UBE2E3: variants seen among roughly 807,000 people sequenced by gnomAD.
The protein encoded by UBE2E3 is ubiquitin conjugating enzyme E2 E3.
A neutral mutation model predicts 23.6 loss-of-function variants in UBE2E3; 5 were observed. The ratio of observed to expected loss-of-function variants is 0.21; its 90% CI spans 0.11 to 0.44. The LOEUF is 0.44. UBE2E3 is among the 20% of genes least tolerant of loss of function. The probability of loss-of-function intolerance (pLI) is 0.99; values close to 1 mark genes in which losing one functional copy is unlikely to be tolerated. For synonymous variants in UBE2E3, 78 were observed against 87.5 expected (o/e 0.89, Z 0.60); for missense variants, 81 against 249.8 (o/e 0.32, Z 4.55).
At chr2:181,029,023 A>C (rs557800171) in intron 3 of UBE2E3, among the ~76,000 whole-genome samples, 1 of 152,178 alleles carries the variant, frequency 6.6e-6, no homozygotes, top group East Asian at 1.9e-4. Context: ...TGAAAAGGGT[A>C]AGGTAGTAGT....
At chr2:181,021,710 TTA>T (rs967344491) in intron 3 of UBE2E3, among the ~76,000 whole-genome samples, 2 of 144,710 alleles carry the variant, frequency 1.4e-5, no homozygotes, top group Non-Finnish European at 3.0e-5. Context: ...ACTATATCTA[TTA>T]ATGTCTGTGG....
At chr2:181,032,129 C>G (rs1412193604) in intron 3 of UBE2E3, among the ~76,000 whole-genome samples, 1 of 152,150 alleles carries the variant, frequency 6.6e-6, no homozygotes. Flanking sequence ...GCTAGTCTCC[C>G]TTTGAACAAA....
At chr2:180,982,829 A>G (rs890756837) in intron 2 of UBE2E3, among the ~76,000 whole-genome samples, 8 of 152,220 alleles carry the variant, frequency 5.3e-5, no homozygotes, top group Non-Finnish European at 1.0e-4. Flanking sequence ...GGGCAAATCA[A>G]ACTGAAAAGT....
At chr2:181,031,607 C>A (rs777694042) in intron 3 of UBE2E3, among the ~76,000 whole-genome samples, 5 of 152,088 alleles carry the variant, frequency 3.3e-5, no homozygotes, top group African/African-American at 7.2e-5. Flanking sequence ...CGACTACTTT[C>A]TGTTTTTCTC....
intron 3 of UBE2E3, among the ~76,000 whole-genome samples, chr2:181,034,658 C>G (rs1164480242): frequency 6.6e-6 from 1 of 151,368 alleles, no homozygotes; most frequent in Non-Finnish European, 1.5e-5. Flanking sequence ...CACATGTACC[C>G]TAGAACTTAA....
intron 3 of UBE2E3, among the ~76,000 whole-genome samples, chr2:181,004,507 C>T (rs1165723375): frequency 6.6e-6 from 1 of 152,092 alleles, no homozygotes; most frequent in Admixed American, 6.5e-5. Flanking sequence ...GTGGTATGCA[C>T]CTGTAGTCTC....
rs1336111870 is a variant in UBE2E3 at position 181,061,283 on chromosome 2, C to T, written c.526+471C>T. Among the ~76,000 whole-genome samples the T allele has an allele frequency of 1.2e-4, 6 of 48,982 alleles. 2 individuals carry two copies. The highest frequency in any genetic ancestry group is 6.4e-4 in the African/African-American group (6 of 9,446). The allele number at this position is 48,982 out of a possible 152,430, so 32.1% of individuals were successfully genotyped here. A position where few individuals can be genotyped will look rare whatever the true frequency, so the allele number is the denominator to read the frequency against. On this transcript the variant is annotated intron_variant, in intron 5 of 5. Coordinates refer to ENST00000410062, the MANE Select transcript of UBE2E3 (RefSeq NM_006357.4). ...GACTACAGGCGCCCGCCACCGCGCCCGGCTAATTTTTTTGTATTTTTAGTA... is the reference window on the plus strand; with the variant it reads ...GACTACAGGCGCCCGCCACCGCGCCTGGCTAATTTTTTTGTATTTTTAGTA...
At chr2:181,026,158 AAC>A (rs1685875629) in intron 3 of UBE2E3, among the ~76,000 whole-genome samples, 1 of 151,914 alleles carries the variant, frequency 6.6e-6, no homozygotes, top group African/African-American at 2.4e-5. Flanking sequence ...AAGATGAAAA[AAC>A]ACACTGAAAC....
At chr2:181,027,103 A>C (rs1685917519) in intron 3 of UBE2E3, among the ~76,000 whole-genome samples, 2 of 151,938 alleles carry the variant, frequency 1.3e-5, no homozygotes, top group South Asian at 4.1e-4. Context: ...CTTTATTAAA[A>C]ACTTAGTTTC....
chr2:181,047,078 A>G (rs1686692839), intron 3 of UBE2E3, among the ~76,000 whole-genome samples: 1 of 152,152 alleles, frequency 6.6e-6, no homozygotes, highest in Non-Finnish European at 1.5e-5. Context: ...ATACACATGC[A>G]GGTAGTTTTT....
At chr2:181,030,972 A>G (rs1686060490) in intron 3 of UBE2E3, among the ~76,000 whole-genome samples, 1 of 152,094 alleles carries the variant, frequency 6.6e-6, no homozygotes. Context: ...TTATACTATT[A>G]CGTTTGTTAC....
intron 3 of UBE2E3, among the ~76,000 whole-genome samples, chr2:181,018,621 TAGTG>T (rs1208412696): frequency 6.7e-6 from 1 of 148,672 alleles, no homozygotes; most frequent in Non-Finnish European, 1.5e-5. Flanking sequence ...TTTTTTCCAT[TAGTG>T]AGCTGATTCT....
At chr2:181,005,052 C>T (rs146104331) in intron 3 of UBE2E3, among the ~76,000 whole-genome samples, 2 of 152,306 alleles carry the variant, frequency 1.3e-5, no homozygotes, top group African/African-American at 4.8e-5. Context: ...TGTATCAGAA[C>T]TTATTTGGTT....
At chr2:181,057,541 C>T (rs1459648402) in intron 3 of UBE2E3, 152 bp from the exon 4 acceptor site, 4 of 580,282 alleles carry the variant, frequency 6.9e-6, no homozygotes, top group Non-Finnish European at 1.2e-5. Context: ...CACACATGCA[C>T]ATGCAAACAC....
rs113101948 is a variant in UBE2E3, at chr2:181,038,409, A to G, written c.246-19284A>G. Among the ~76,000 whole-genome samples the G allele has an allele frequency of 2.9e-3, 447 of 152,336 alleles. 3 individuals carry two copies. Among genetic ancestry groups the G allele is most frequent in the African/African-American group, 0.01 (431 of 41,584 alleles). ...AAAAATGACAAAATCCCCGAATGACACATTTCTGAGGTCATATTCTTGTTG... is the reference window on the plus strand; with the variant it reads ...AAAAATGACAAAATCCCCGAATGACGCATTTCTGAGGTCATATTCTTGTTG... On this transcript the variant is annotated intron_variant, in intron 3 of 5. Coordinates refer to ENST00000410062, the MANE Select transcript of UBE2E3 (RefSeq NM_006357.4).
intron 3 of UBE2E3, among the ~76,000 whole-genome samples, chr2:180,985,594 TA>T: frequency 6.6e-6 from 1 of 152,246 alleles, no homozygotes; most frequent in South Asian, 2.1e-4. Context: ...AGAGAACAAG[TA>T]AATGAAAGTA....
chr2:181,041,525 G>T (rs551611399), intron 3 of UBE2E3, among the ~76,000 whole-genome samples: 1 of 151,508 alleles, frequency 6.6e-6, no homozygotes, highest in Non-Finnish European at 1.5e-5. Flanking sequence ...TGCAACCTCT[G>T]CCTCCCAGGT....
intron 3 of UBE2E3, among the ~76,000 whole-genome samples, chr2:181,018,912 C>T (rs569453892): frequency 6.6e-6 from 1 of 152,134 alleles, no homozygotes; most frequent in Non-Finnish European, 1.5e-5. Flanking sequence ...TCAGATTTTT[C>T]ATTGTAAAGT....
At chr2:181,008,435 G>A (rs1300388322) in intron 3 of UBE2E3, among the ~76,000 whole-genome samples, 1 of 152,218 alleles carries the variant, frequency 6.6e-6, no homozygotes, top group Non-Finnish European at 1.5e-5. Flanking sequence ...CAGAGTTCAT[G>A]CTCTTAACTG....
Sources: gnomAD v4.1 joint callset for allele counts (sites outside exome capture counted in the v4.1 genomes callset) on GRCh38, gnomAD v4.1.1 for gene constraint, MANE v1.5 for transcripts, NCBI Gene and HGNC (gene_info 2026-07-23, HGNC 2026-07-21) for gene names.